Variants in LHFPL3 observed in about 807,000 individuals in gnomAD.
The protein encoded by LHFPL3 is LHFPL tetraspan subfamily member 3 protein.
Under a neutral mutation model 19.3 loss-of-function variants are expected in LHFPL3, and 5 were observed. The ratio of observed to expected loss-of-function variants is 0.26; its 90% CI spans 0.14 to 0.54. The LOEUF (loss-of-function observed/expected upper bound fraction) is 0.54. LHFPL3 is among the 20% of genes least tolerant of loss of function. The pLI, the probability that LHFPL3 is intolerant of heterozygous loss-of-function variation, is 0.94. For missense variants in LHFPL3, 249 were observed against 307.4 expected (o/e 0.81, Z 1.42); for synonymous variants, 133 against 126.2 (o/e 1.05, Z -0.36).
chr7:104,715,222 A>ATATGTG (rs1296852377), intron 1 of LHFPL3, among the ~76,000 whole-genome samples: 1 of 152,222 alleles, frequency 6.6e-6, no homozygotes, highest in Non-Finnish European at 1.5e-5. Context: ...CAAAAACTAT[A>ATATGTG]TATGTGTATG....
intron 1 of LHFPL3, among the ~76,000 whole-genome samples, chr7:104,581,857 G>A (rs1045321876): frequency 1.3e-5 from 2 of 151,830 alleles, no homozygotes; most frequent in African/African-American, 2.4e-5. Context: ...CTATTCTTAC[G>A]CCATTACCAC....
At chr7:104,592,442 G>A (rs6945576) in intron 1 of LHFPL3, among the ~76,000 whole-genome samples, 1 of 3,986 alleles carries the variant, frequency 2.5e-4, no homozygotes, top group South Asian at 0.015. Flanking sequence ...AACAGCAAAT[G>A]TTGCTGCCTG....
At chr7:104,772,205 A>ATCTT (rs1271758640) in intron 2 of LHFPL3, among the ~76,000 whole-genome samples, 2 of 152,108 alleles carry the variant, frequency 1.3e-5, no homozygotes, top group Admixed American at 6.6e-5. Context: ...GTATTTCCAC[A>ATCTT]TCTTTTATTA....
At chr7:104,667,717 G>A in intron 1 of LHFPL3, 3 of 1,467,616 alleles carry the variant, frequency 2.0e-6, no homozygotes, top group Non-Finnish European at 2.8e-6. Flanking sequence ...AGTACTTAAA[G>A]AAATACAAGG....
intron 1 of LHFPL3, among the ~76,000 whole-genome samples, chr7:104,391,522 C>T (rs955596392): frequency 4.6e-5 from 7 of 152,132 alleles, no homozygotes; most frequent in Non-Finnish European, 8.8e-5. Context: ...TCTGAGGGCT[C>T]TGTTCTGTTC....
At chr7:104,755,798 C>A (rs149457903) in intron 2 of LHFPL3, among the ~76,000 whole-genome samples, 1 of 152,174 alleles carries the variant, frequency 6.6e-6, no homozygotes, top group African/African-American at 2.4e-5. Flanking sequence ...TGGGTTCAAG[C>A]GATTATCCTG....
chr7:104,595,260 TC>T (rs1174481992), intron 1 of LHFPL3, among the ~76,000 whole-genome samples: 1 of 152,190 alleles, frequency 6.6e-6, no homozygotes, highest in Non-Finnish European at 1.5e-5. Context: ...TGATGCTATT[TC>T]TTTCTGTTTG....
chr7:104,779,416 G>C (rs1794683816), intron 2 of LHFPL3, among the ~76,000 whole-genome samples: 1 of 152,192 alleles, frequency 6.6e-6, no homozygotes, highest in African/African-American at 2.4e-5. Context: ...GATAACTGGA[G>C]AAACACAGAG....
chr7:104,409,811 T>C (rs952337684), intron 1 of LHFPL3, among the ~76,000 whole-genome samples: 4 of 152,140 alleles, frequency 2.6e-5, no homozygotes, highest in African/African-American at 9.7e-5. Context: ...TCTGACAATG[T>C]CTCTTGACTC....
At chr7:104,434,053 C>G (rs2116565792) in intron 1 of LHFPL3, among the ~76,000 whole-genome samples, 1 of 152,164 alleles carries the variant, frequency 6.6e-6, no homozygotes, top group South Asian at 2.1e-4. Context: ...TATTGTTTTC[C>G]ATACCATGTA....
At chr7:104,543,934 A>ATAC (rs77436610) in intron 1 of LHFPL3, among the ~76,000 whole-genome samples, 1 of 150,312 alleles carries the variant, frequency 6.7e-6, no homozygotes. Context: ...AATAATAATA[A>ATAC]AACCTAGATG....
chr7:104,537,881 A>G (rs11972645), intron 1 of LHFPL3, among the ~76,000 whole-genome samples: 50,307 of 152,172 alleles, frequency 0.33, 10,258 homozygotes, highest in South Asian at 0.53. Context: ...AGAAATGATT[A>G]CTTTCCATCA....
chr7:104,396,841 G>A (rs1791198504), intron 1 of LHFPL3, among the ~76,000 whole-genome samples: 1 of 151,784 alleles, frequency 6.6e-6, no homozygotes, highest in South Asian at 2.1e-4. Context: ...GTGATGGCCT[G>A]CGTCTGTGGT....
chr7:104,847,847 CTTGAT>C (rs753112945), intron 2 of LHFPL3, among the ~76,000 whole-genome samples: 6 of 152,224 alleles, frequency 3.9e-5, no homozygotes, highest in Non-Finnish European at 7.3e-5. Context: ...AAAATCATCA[CTTGAT>C]TTAACATTTT....
In LHFPL3 at chr7:104,343,512, C is replaced by CAAAAAAAAAAAAA. The variant is rs536122769; in HGVS notation, c.445+14315_445+14327dup. Among the ~76,000 whole-genome samples, 16 of 47,476 alleles carry CAAAAAAAAAAAAA rather than the reference C, an allele frequency of 3.4e-4. 1 individual carries two copies. The highest frequency in any genetic ancestry group is 5.8e-4 in the Non-Finnish European group (14 of 24,042). 31.1% of individuals were successfully genotyped at this position (47,476 alleles called of 152,430 possible). A position where few individuals can be genotyped will look rare whatever the true frequency, so the allele number is the denominator to read the frequency against. On this transcript the variant is annotated intron_variant, in intron 1 of 2. Coordinates refer to ENST00000424859, the MANE Select transcript of LHFPL3 (RefSeq NM_199000.3). The stretch of plus-strand genomic sequence containing the variant: ...TGGGCAACAGAGTGAGACTCTGTCT[C>CAAAAAAAAAAAAA]AAAAAAAAAAAAAAAAAAAAAAAAA...
intron 1 of LHFPL3, among the ~76,000 whole-genome samples, chr7:104,608,529 GA>G (rs778604464): frequency 6.7e-6 from 1 of 150,134 alleles, no homozygotes; most frequent in Non-Finnish European, 1.5e-5. Flanking sequence ...ATAGCATTAG[GA>G]GATATACCTA....
At position 104,633,108 on chromosome 7, in the gene LHFPL3, C is replaced by A. The variant is rs1292106232; in HGVS notation, c.446-103567C>A. Among the ~76,000 whole-genome samples the A allele has an allele frequency of 3.3e-5, 5 of 152,160 alleles. No homozygotes were observed. The East Asian group carries it at 7.7e-4, about 23-fold the overall frequency. ...AGTTGATGATGAGGAAGTCTAGACACAACTTCTAGTTCTATAAGAGGCTTC... is the reference window on the plus strand; with the variant it reads ...AGTTGATGATGAGGAAGTCTAGACAAAACTTCTAGTTCTATAAGAGGCTTC... On this transcript the variant is annotated intron_variant, in intron 1 of 2. Transcript: ENST00000424859.
chr7:104,557,143 A>G (rs188468144), intron 1 of LHFPL3, among the ~76,000 whole-genome samples: 5 of 152,152 alleles, frequency 3.3e-5, no homozygotes, highest in Admixed American at 3.3e-4. Context: ...AACTCTTCCA[A>G]TCTCTGCCTT....
chr7:104,395,586 G>A (rs1416646133), intron 1 of LHFPL3, among the ~76,000 whole-genome samples: 1 of 152,164 alleles, frequency 6.6e-6, no homozygotes, highest in Non-Finnish European at 1.5e-5. Flanking sequence ...TGACTGACAG[G>A]AGAAGCAGGA....
Sources: gnomAD v4.1 joint callset for allele counts (sites outside exome capture counted in the v4.1 genomes callset) on GRCh38, gnomAD v4.1.1 for gene constraint, MANE v1.5 for transcripts, NCBI Gene and HGNC (gene_info 2026-07-23, HGNC 2026-07-21) for gene names.